ATPAF1: variants seen among roughly 807,000 people sequenced by gnomAD.
The protein encoded by ATPAF1 is ATP synthase mitochondrial F1 complex assembly factor 1.
A neutral mutation model predicts 43.9 loss-of-function variants in ATPAF1; 26 were observed. The ratio of observed to expected loss-of-function variants is 0.59; its 90% CI spans 0.43 to 0.82. ATPAF1 has a LOEUF of 0.82. Among genes scored for constraint, ATPAF1 ranks in the 40% least tolerant of loss-of-function variants. The pLI is 0.00. For synonymous variants in ATPAF1, 157 were observed against 168.0 expected (o/e 0.93, Z 0.50); for missense variants, 366 against 435.0 (o/e 0.84, Z 1.41).
intron 8 of ATPAF1, among the ~76,000 whole-genome samples, chr1:46,638,610 A>G (rs1003439798): frequency 7.4e-6 from 1 of 134,574 alleles, no homozygotes; most frequent in Non-Finnish European, 1.6e-5. Context: ...TGAAAAGAGC[A>G]AGACTGTCTC....
intron 8 of ATPAF1, among the ~76,000 whole-genome samples, chr1:46,637,658 C>T (rs953005604): frequency 6.6e-5 from 10 of 152,170 alleles, no homozygotes; most frequent in African/African-American, 2.4e-4. Flanking sequence ...GGCTGTGCTC[C>T]ATCTCTATTC....
chr1:46,648,984 A>T (rs113341707), intron 6 of ATPAF1, among the ~76,000 whole-genome samples: 28 of 152,144 alleles, frequency 1.8e-4, no homozygotes, highest in African/African-American at 6.8e-4. Flanking sequence ...GACTCAAAAA[A>T]AAAATGGTCT....
chr1:46,660,391 A>G (rs1676365888), intron 2 of ATPAF1, among the ~76,000 whole-genome samples: 1 of 152,222 alleles, frequency 6.6e-6, no homozygotes, highest in Non-Finnish European at 1.5e-5. Context: ...AGCCTCATGT[A>G]TCGGTTTTTA....
At chr1:46,658,224 A>AT (rs775637909) in intron 3 of ATPAF1, 35 bp from the exon 4 acceptor site, 20 of 1,388,884 alleles carry the variant, frequency 1.4e-5, no homozygotes, top group Admixed American at 1.3e-4. Context: ...TTAACACATA[A>AT]TTAAAAAAAA....
chr1:46,647,408 ATAT>A, intron 6 of ATPAF1, among the ~76,000 whole-genome samples: 2 of 152,218 alleles, frequency 1.3e-5, no homozygotes, highest in Non-Finnish European at 2.9e-5. Context: ...CGTTTTGCAC[ATAT>A]GGCCCTTTCA....
intron 2 of ATPAF1, chr1:46,664,035 G>T: frequency 2.1e-6 from 1 of 469,986 alleles, no homozygotes; most frequent in Non-Finnish European, 3.2e-6. Flanking sequence ...ACTGCATGTT[G>T]TAAAAGTTAG....
At chr1:46,663,080 G>A (rs1040235982) in intron 2 of ATPAF1, among the ~76,000 whole-genome samples, 8 of 152,096 alleles carry the variant, frequency 5.3e-5, no homozygotes, top group South Asian at 2.1e-4. Flanking sequence ...ATGGTTTCCA[G>A]CTTCATCCAT....
chr1:46,665,131 T>C, intron 2 of ATPAF1, 125 bp downstream of exon 2: 1 of 825,468 alleles, frequency 1.2e-6, no homozygotes, highest in Admixed American at 2.1e-5. Flanking sequence ...GAAATGGAGT[T>C]GGGAGAGACT....
intron 2 of ATPAF1, 121 bp downstream of exon 2, chr1:46,665,135 A>T: frequency 1.2e-6 from 1 of 850,624 alleles, no homozygotes; most frequent in Non-Finnish European, 1.9e-6. Flanking sequence ...TGGAGTTGGG[A>T]GAGACTATGT....
intron 2 of ATPAF1, among the ~76,000 whole-genome samples, chr1:46,658,988 G>A (rs889509930): frequency 1.4e-4 from 21 of 152,108 alleles, no homozygotes; most frequent in African/African-American, 4.8e-4. Flanking sequence ...TCAGGAGTTC[G>A]AGACCAGCCT....
At chr1:46,652,668 A>G (rs1676194053) in intron 5 of ATPAF1, 40 bp from the exon 6 acceptor site, 1 of 1,563,440 alleles carries the variant, frequency 6.4e-7, no homozygotes, top group Non-Finnish European at 8.8e-7. Context: ...TACACATAGT[A>G]AAACACAAAA....
At position 46,658,643 on chromosome 1, in the gene ATPAF1, A is replaced by G. The variant is rs751575331; in HGVS notation, c.426+44T>C. ...TGCAGCCTCTTGTTCTAGATGTCCCATATGACTTCAAGCTTTTTTTCCTAT... is the reference window on the plus strand; with the variant it reads ...TGCAGCCTCTTGTTCTAGATGTCCCGTATGACTTCAAGCTTTTTTTCCTAT... On this transcript the variant is annotated intron_variant, in intron 3 of 8. Coordinates refer to ENST00000574428, the Ensembl canonical transcript of ATPAF1. 7 of 1,486,992 alleles carry G rather than the reference A, an allele frequency of 4.7e-6. No homozygotes were observed. The East Asian group carries it at 1.4e-4, about 29-fold the overall frequency. 92.1% of individuals were successfully genotyped at this position (1,486,992 alleles called of 1,614,324 possible). A position where few individuals can be genotyped will look rare whatever the true frequency, so the allele number is the denominator to read the frequency against.
chr1:46,643,120 A>T (rs759067405), intron 8 of ATPAF1, 74 bp downstream of exon 8: 17 of 1,240,518 alleles, frequency 1.4e-5, no homozygotes, highest in Non-Finnish European at 2.0e-5. Flanking sequence ...TTTCTCTCTC[A>T]TGAGCTTTGG....
exon 9 of ATPAF1, chr1:46,635,464 C>T (rs1675819615): frequency 7.0e-6 from 2 of 284,736 alleles, no homozygotes; most frequent in South Asian, 9.5e-5. Flanking sequence ...GGCCAGAATG[C>T]AACTGCGCTG....
At chr1:46,661,335 C>T (rs1676383285) in intron 2 of ATPAF1, among the ~76,000 whole-genome samples, 1 of 152,102 alleles carries the variant, frequency 6.6e-6, no homozygotes, top group Non-Finnish European at 1.5e-5. Flanking sequence ...CTTGGCCTCC[C>T]AAAGTACTAG....
intron 6 of ATPAF1, 146 bp from the exon 7 acceptor site, chr1:46,645,402 T>C: frequency 4.6e-6 from 3 of 657,330 alleles, no homozygotes; most frequent in South Asian, 1.9e-5. Flanking sequence ...CTCGCTCTGT[T>C]GTCCAGGCTG....
chr1:46,665,875 C>G (rs1381382036), intron 1 of ATPAF1: 1 of 1,402,202 alleles, frequency 7.1e-7, no homozygotes, highest in African/African-American at 1.5e-5. Context: ...CCTAACCTAC[C>G]CTCCAAAGAA....
At chr1:46,652,518 G>T in intron 6 of ATPAF1, 63 bp downstream of exon 6, 2 of 1,514,056 alleles carry the variant, frequency 1.3e-6, no homozygotes, top group South Asian at 1.1e-5. Context: ...TGACGTGATG[G>T]GCTGGAAAAT....
exon 9 of ATPAF1, chr1:46,635,284 G>A (rs1359729115): frequency 6.4e-6 from 1 of 155,458 alleles, no homozygotes; most frequent in African/African-American, 2.4e-5. Context: ...GGGAATATCT[G>A]GTTATTCTAC....
Sources: allele counts gnomAD v4.1 joint callset (sites outside exome capture counted in the v4.1 genomes callset), GRCh38; gene constraint gnomAD v4.1.1; transcripts MANE v1.5; gene names NCBI Gene and HGNC (gene_info 2026-07-23, HGNC 2026-07-21).